The following KCNB2 variants were observed in gnomAD, a reference collection of about 807,000 sequenced individuals.
The protein encoded by KCNB2 is delayed rectifier potassium channel protein.
Under a neutral mutation model 61.5 loss-of-function variants are expected in KCNB2, and 15 were observed. That is an observed-to-expected ratio of 0.24 (90% confidence interval 0.16 to 0.38). The LOEUF is 0.38. Among genes scored for constraint, KCNB2 ranks in the 10% least tolerant of loss-of-function variants. The pLI, the probability that KCNB2 is intolerant of heterozygous loss-of-function variation, is 1.00. For synonymous variants in KCNB2, 457 were observed against 446.0 expected (o/e 1.02, Z -0.31); for missense variants, 828 against 1,125.2 (o/e 0.74, Z 3.78).
intron 2 of KCNB2, among the ~76,000 whole-genome samples, chr8:72,719,743 G>T (rs1489267589): frequency 6.6e-6 from 1 of 151,978 alleles, no homozygotes; most frequent in African/African-American, 2.4e-5. Flanking sequence ...GTGGCATTTG[G>T]CACTTGCAGT....
intron 1 of KCNB2, among the ~76,000 whole-genome samples, chr8:72,553,704 G>A (rs543789315): frequency 6.6e-6 from 1 of 152,114 alleles, no homozygotes; most frequent in Non-Finnish European, 1.5e-5. Flanking sequence ...TTGGCTTCTG[G>A]TTTCATTCCA....
intron 2 of KCNB2, among the ~76,000 whole-genome samples, chr8:72,813,773 G>A (rs1403390335): frequency 1.3e-5 from 2 of 152,160 alleles, no homozygotes; most frequent in Non-Finnish European, 2.9e-5. Flanking sequence ...CCCCCAAGGG[G>A]TATTCTCCTC....
chr8:72,578,736 A>G (rs1019562213), intron 2 of KCNB2, among the ~76,000 whole-genome samples: 1 of 152,238 alleles, frequency 6.6e-6, no homozygotes, highest in African/African-American at 2.4e-5. Context: ...TACCAAGTGT[A>G]TTTATGAACT....
At chr8:72,704,195 A>G (rs1441445576) in intron 2 of KCNB2, among the ~76,000 whole-genome samples, 3 of 152,186 alleles carry the variant, frequency 2.0e-5, no homozygotes, top group Non-Finnish European at 1.5e-5. Flanking sequence ...TTGAGCAAAT[A>G]ACCTTTTATA....
intron 2 of KCNB2, among the ~76,000 whole-genome samples, chr8:72,746,415 A>G (rs1276431852): frequency 6.6e-6 from 1 of 152,182 alleles, no homozygotes; most frequent in Non-Finnish European, 1.5e-5. Context: ...AACATTTAGA[A>G]CCAGAAGCTG....
At chr8:72,585,889 A>G (rs1166428013) in intron 2 of KCNB2, among the ~76,000 whole-genome samples, 1 of 152,262 alleles carries the variant, frequency 6.6e-6, no homozygotes, top group Admixed American at 6.5e-5. Flanking sequence ...AATTTTCAAA[A>G]GAAAAAGGAA....
At chr8:72,800,845 C>CT (rs1274891241) in intron 2 of KCNB2, among the ~76,000 whole-genome samples, 1 of 152,110 alleles carries the variant, frequency 6.6e-6, no homozygotes, top group Admixed American at 6.6e-5. Context: ...AAAAATGGCT[C>CT]TTAAAGTGGT....
chr8:72,634,128 T>C (rs1805929670), intron 2 of KCNB2, among the ~76,000 whole-genome samples: 1 of 152,210 alleles, frequency 6.6e-6, no homozygotes, highest in African/African-American at 2.4e-5. Flanking sequence ...ATTCCTTACA[T>C]TTGATCCAAA....
chr8:72,582,164 A>G (rs1275008104), intron 2 of KCNB2, among the ~76,000 whole-genome samples: 1 of 152,202 alleles, frequency 6.6e-6, no homozygotes, highest in Non-Finnish European at 1.5e-5. Flanking sequence ...GCAAGGGACA[A>G]TAGAAACCTA....
rs79157532 is a variant in KCNB2, at chr8:72,740,514, A to T, written c.579+172201A>T. On this transcript the variant is annotated intron_variant, in intron 2 of 2. Transcript: ENST00000523207. ...ATAGTAGTCATTCATATCTCATATG[A>T]ATAGGCTTATAAAACCCTTCCCAAA... Among the ~76,000 whole-genome samples, 942 of 152,296 alleles carry T rather than the reference A, an allele frequency of 6.2e-3. 9 individuals carry two copies. The highest frequency in any genetic ancestry group is 0.021 in the African/African-American group (889 of 41,554).
At chr8:72,555,932 C>G (rs1414634653) in intron 1 of KCNB2, among the ~76,000 whole-genome samples, 1 of 151,988 alleles carries the variant, frequency 6.6e-6, no homozygotes, top group Non-Finnish European at 1.5e-5. Context: ...AACCACACTA[C>G]TCCTTTCAAT....
chr8:72,776,548 C>T (rs758948065), intron 2 of KCNB2, among the ~76,000 whole-genome samples: 3 of 152,070 alleles, frequency 2.0e-5, no homozygotes, highest in African/African-American at 2.4e-5. Flanking sequence ...GTATTTTTGG[C>T]GCTTTCAGTG....
chr8:72,577,919 C>T (rs769766708), intron 2 of KCNB2, among the ~76,000 whole-genome samples: 8 of 152,154 alleles, frequency 5.3e-5, no homozygotes, highest in Admixed American at 5.2e-4. Flanking sequence ...GGCAGTTGTC[C>T]TATCTGCTGT....
intron 2 of KCNB2, among the ~76,000 whole-genome samples, chr8:72,906,378 T>C (rs1806177026): frequency 6.6e-6 from 1 of 152,238 alleles, no homozygotes. Flanking sequence ...CAGAAGAGGT[T>C]TGGGTCACCT....
Position 72,796,749 on chromosome 8 carries a change from T to C in KCNB2, c.580-139186T>C, listed in dbSNP as rs186083322. On this transcript the variant is annotated intron_variant, in intron 2 of 2. Coordinates refer to ENST00000523207, the MANE Select transcript of KCNB2 (RefSeq NM_004770.3). ...TTTTGGCCCATTGTCACAGAATAAA[T>C]AAGCCAAACAAATATTTTCGATCTT... Among the ~76,000 whole-genome samples the C allele has an allele frequency of 7.4e-4, 113 of 152,264 alleles. 1 individual carries two copies. The Middle Eastern group carries it at 0.01, about 14-fold the overall frequency.
intron 2 of KCNB2, among the ~76,000 whole-genome samples, chr8:72,595,139 C>G (rs1430632774): frequency 1.3e-5 from 2 of 151,894 alleles, no homozygotes; most frequent in Admixed American, 1.3e-4. Context: ...GTCCTAACTC[C>G]CTAACAGAGC....
intron 2 of KCNB2, among the ~76,000 whole-genome samples, chr8:72,655,989 A>G (rs953680182): frequency 7.2e-5 from 11 of 152,270 alleles, no homozygotes; most frequent in African/African-American, 2.4e-4. Context: ...AAGGTCAAGA[A>G]AGGTTTCTTA....
intron 2 of KCNB2, among the ~76,000 whole-genome samples, chr8:72,914,874 CA>C (rs1806362301): frequency 6.6e-6 from 1 of 151,414 alleles, no homozygotes; most frequent in Non-Finnish European, 1.5e-5. Flanking sequence ...AGTTGTAATC[CA>C]GCAGGAAAGA....
At chr8:72,760,274 A>G (rs768467013) in intron 2 of KCNB2, among the ~76,000 whole-genome samples, 9 of 152,202 alleles carry the variant, frequency 5.9e-5, no homozygotes, top group Non-Finnish European at 1.2e-4. Flanking sequence ...AAGTGAGGAC[A>G]ATAATAACTA....
Sources: allele counts gnomAD v4.1 joint callset (sites outside exome capture counted in the v4.1 genomes callset), GRCh38; gene constraint gnomAD v4.1.1; transcripts MANE v1.5; gene names NCBI Gene and HGNC (gene_info 2026-07-23, HGNC 2026-07-21).